TAS2R1: variants seen among roughly 807,000 people sequenced by gnomAD.
The protein encoded by TAS2R1 is taste 2 receptor member 1.
For missense variants in TAS2R1, 370 were observed against 353.4 expected (o/e 1.05, Z -0.38); for synonymous variants, 141 against 134.2 (o/e 1.05, Z -0.35).
At chr5:9,698,337 GT>G (rs1741401386) in intron 1 of TAS2R1, among the ~76,000 whole-genome samples, 2 of 152,138 alleles carry the variant, frequency 1.3e-5, no homozygotes, top group South Asian at 4.1e-4. Context: ...TAGGTATTTT[GT>G]ATTAATAGTT....
chr5:9,725,456 A>G, the TAS2R1 span, among the ~76,000 whole-genome samples: 1 of 152,078 alleles, frequency 6.6e-6, no homozygotes, highest in African/African-American at 2.4e-5. Context: ...GGGGCTTAGC[A>G]CCCGGGCCAG....
upstream of TAS2R1, among the ~76,000 whole-genome samples, chr5:9,715,935 C>T (rs1466530287): frequency 6.6e-6 from 1 of 152,122 alleles, no homozygotes; most frequent in African/African-American, 2.4e-5. Context: ...TCAGAGGCCA[C>T]AAAAAACCAG....
chr5:9,844,936 C>A, the TAS2R1 span, among the ~76,000 whole-genome samples: 2 of 152,118 alleles, frequency 1.3e-5, no homozygotes, highest in Non-Finnish European at 2.9e-5. Context: ...CAATTGTCAT[C>A]AAAAATTTTT....
chr5:9,665,002 C>T (rs1229397648), intron 1 of TAS2R1, among the ~76,000 whole-genome samples: 2 of 152,146 alleles, frequency 1.3e-5, no homozygotes, highest in African/African-American at 4.8e-5. Flanking sequence ...GCTGAAAACA[C>T]CAATTTATTT....
the TAS2R1 span, among the ~76,000 whole-genome samples, chr5:9,802,219 G>A: frequency 6.6e-6 from 1 of 152,148 alleles, no homozygotes; most frequent in Non-Finnish European, 1.5e-5. Flanking sequence ...TGGTATCCAT[G>A]GCTGAGAGAT....
At chr5:9,741,816 G>A in the TAS2R1 span, among the ~76,000 whole-genome samples, 6,884 of 152,172 alleles carry the variant, frequency 0.045, 159 homozygotes, top group Non-Finnish European at 0.052. Flanking sequence ...CTTGAAGGTC[G>A]GTTTCTCTAC....
chr5:9,825,231 A>G, the TAS2R1 span, among the ~76,000 whole-genome samples: 1 of 152,234 alleles, frequency 6.6e-6, no homozygotes, highest in Non-Finnish European at 1.5e-5. Context: ...TGCATAATTT[A>G]TAAAGGAAAG....
At chr5:9,873,810 A>T in the TAS2R1 span, among the ~76,000 whole-genome samples, 4 of 148,206 alleles carry the variant, frequency 2.7e-5, no homozygotes, top group African/African-American at 9.9e-5. Flanking sequence ...CGGAGGTTGC[A>T]GTGAGCGGAG....
At chr5:9,719,936 A>C in the TAS2R1 span, among the ~76,000 whole-genome samples, 96 of 115,770 alleles carry the variant, frequency 8.3e-4, no homozygotes, top group Admixed American at 1.4e-3. Flanking sequence ...AAAAAAAAAA[A>C]AACAAAAACA....
the TAS2R1 span, among the ~76,000 whole-genome samples, chr5:9,811,137 G>A: frequency 6.6e-6 from 1 of 152,124 alleles, no homozygotes; most frequent in East Asian, 1.9e-4. Context: ...AACATGATTT[G>A]TATCTTTCTA....
At chr5:9,755,361 G>A in the TAS2R1 span, among the ~76,000 whole-genome samples, 2 of 152,168 alleles carry the variant, frequency 1.3e-5, no homozygotes, top group Admixed American at 1.3e-4. Context: ...GCTGAGGCAG[G>A]TGGATTGCCT....
chr5:9,874,701 G>T, the TAS2R1 span, among the ~76,000 whole-genome samples: 1 of 152,176 alleles, frequency 6.6e-6, no homozygotes, highest in African/African-American at 2.4e-5. Flanking sequence ...ATACAGAGGT[G>T]AAAGTCCCAG....
the TAS2R1 span, among the ~76,000 whole-genome samples, chr5:9,827,766 G>C: frequency 6.6e-6 from 1 of 152,178 alleles, no homozygotes; most frequent in African/African-American, 2.4e-5. Context: ...CTGGGTGACA[G>C]AGACAGAAGG....
In TAS2R1 at chr5:9,628,125, AATTT is replaced by A. The variant is rs1246153106; in HGVS notation, c.*1004_*1007del. Among the ~76,000 whole-genome samples the A allele has an allele frequency of 5.9e-5, 8 of 134,736 alleles. No homozygotes were observed. The highest frequency in any genetic ancestry group is 2.4e-4 in the South Asian group (1 of 4,108). 88.4% of individuals were successfully genotyped at this position (134,736 alleles called of 152,430 possible). On this transcript the variant is annotated 3_prime_UTR_variant, in exon 1 of 1. Transcript: ENST00000382492. The stretch of plus-strand genomic sequence containing the variant: ...AATATACAAGTATATCTATCTCCAT[AATTT>A]ATCTATCTATCTATCTATCTATCTA...
chr5:9,695,029 G>T lies in TAS2R1; in HGVS notation c.-242+17143C>A, dbSNP rs116601916. Among the ~76,000 whole-genome samples, 3 of 152,086 alleles carry T rather than the reference G, an allele frequency of 2.0e-5. No individual in the cohort carries two copies. The East Asian group carries it at 5.8e-4, about 29-fold the overall frequency. On this transcript the variant is annotated intron_variant, in intron 1 of 2. Transcript: ENST00000506620. ...TTAACCACCTGGGTCAAATCCCAAG[G>T]GCACTGTTTACCTGCTGTGGGACTT...
chr5:9,748,724 A>G, the TAS2R1 span, among the ~76,000 whole-genome samples: 2 of 152,202 alleles, frequency 1.3e-5, no homozygotes, highest in Non-Finnish European at 2.9e-5. Flanking sequence ...ATTCATGAGG[A>G]GTCTGCCTCT....
the TAS2R1 span, among the ~76,000 whole-genome samples, chr5:9,794,830 C>T: frequency 6.6e-6 from 1 of 152,158 alleles, no homozygotes; most frequent in Non-Finnish European, 1.5e-5. Flanking sequence ...GTTTAGAGTC[C>T]TGCTGTGGAG....
chr5:9,781,528 TCTC>T, the TAS2R1 span, among the ~76,000 whole-genome samples: 12 of 152,236 alleles, frequency 7.9e-5, no homozygotes, highest in African/African-American at 2.9e-4. Context: ...CCACACCACT[TCTC>T]CACTGAGTAA....
intron 2 of TAS2R1, among the ~76,000 whole-genome samples, chr5:9,637,839 A>T (rs576574533): frequency 2.6e-5 from 4 of 152,186 alleles, no homozygotes; most frequent in Non-Finnish European, 5.9e-5. Flanking sequence ...CTACATTTTT[A>T]AAATTTCTTT....
Sources: allele counts gnomAD v4.1 joint callset (sites outside exome capture counted in the v4.1 genomes callset), GRCh38; gene constraint gnomAD v4.1.1; transcripts MANE v1.5; gene names NCBI Gene and HGNC (gene_info 2026-07-23, HGNC 2026-07-21).